Variants in TAF1 observed in about 807,000 individuals in gnomAD.
The protein encoded by TAF1 is TATA-box binding protein associated factor 1, also known as transcription initiation factor TFIID subunit 1.
TAF1 carries 2 observed loss-of-function variants against 138.5 expected under a neutral mutation model. The observed-to-expected ratio is 0.01, with a 90% CI of 0.01 to 0.05. TAF1 has a LOEUF of 0.05. Among genes scored for constraint, TAF1 ranks in the 10% least tolerant of loss-of-function variants. The probability of loss-of-function intolerance (pLI) is 1.00; values close to 1 mark genes in which losing one functional copy is unlikely to be tolerated. For synonymous variants in TAF1, 437 were observed against 503.2 expected, an observed-to-expected ratio of 0.87 and a Z score of 1.76; for missense variants, 709 against 1,478.0, an observed-to-expected ratio of 0.48 and a Z score of 8.53.
intron 28 of TAF1, among the ~76,000 whole-genome samples, chrX:71,409,478 G>A (rs956308995): frequency 3.6e-5 from 4 of 111,667 alleles, no homozygotes; most frequent in Non-Finnish European, 7.5e-5. Context: ...GCATGTAAAG[G>A]ATAAGGTTTT....
intron 32 of TAF1, among the ~76,000 whole-genome samples, chrX:71,430,313 G>T (rs1052413284): frequency 1.9e-5 from 2 of 107,760 alleles, no homozygotes; most frequent in African/African-American, 6.8e-5. Context: ...GAACCCGGGA[G>T]GCCGAGCTTG....
At position 71,384,089 on chromosome X, in the gene TAF1, T is replaced by C. The variant is rs773153467; in HGVS notation, c.2075T>C (p.Met692Thr). The change falls in exon 13 of 38, where the codon ATG becomes ACG. Residue 692 changes from methionine to threonine, a missense_variant. Coordinates refer to ENST00000423759, the MANE Select transcript of TAF1 (RefSeq NM_004606.5). ...AEYSEENGPL[M>T]MQVGMATKIK... is the part of the protein sequence containing the mutation. ...TATAGTGAGGAAAATGGACCCTTAA[T>C]GATGCAGGTTGGCATGGCAACCAAG... is the stretch of plus-strand genomic sequence containing the variant. 3 of 1,211,651 alleles carry C rather than the reference T, an allele frequency of 2.5e-6. No homozygotes were observed. The highest frequency in any genetic ancestry group is 4.4e-5 in the Admixed American group (2 of 45,957).
At chrX:71,473,427 T>G (rs921983626) in intron 13 of TAF1, among the ~76,000 whole-genome samples, 1 of 110,516 alleles carries the variant, frequency 9.0e-6, no homozygotes, top group African/African-American at 3.3e-5. Flanking sequence ...ATACCGGGGA[T>G]TTAGAGGCTG....
intron 34 of TAF1, 167 bp downstream of exon 34, chrX:71,455,024 C>A (rs1458412168): frequency 8.6e-7 from 1 of 1,159,642 alleles, no homozygotes; most frequent in Non-Finnish European, 1.1e-6. Flanking sequence ...TGAGTGAGGG[C>A]CATGGGTCTT....
chrX:71,505,143 A>G (rs1430998257), intron 13 of TAF1, among the ~76,000 whole-genome samples: 4 of 110,955 alleles, frequency 3.6e-5, no homozygotes, highest in Non-Finnish European at 7.5e-5. Context: ...AAAAATATAT[A>G]TGTATATATA....
chrX:71,461,998 A>G (rs2148852593), intron 37 of TAF1, among the ~76,000 whole-genome samples: 1 of 111,699 alleles, frequency 9.0e-6, no homozygotes, highest in East Asian at 2.8e-4. Flanking sequence ...CAGGCATGAA[A>G]CACTTCACAG....
intron 13 of TAF1, among the ~76,000 whole-genome samples, chrX:71,483,780 C>CTCTATATATATATATATACACA (rs1164519184): frequency 2.7e-5 from 1 of 37,577 alleles, no homozygotes; most frequent in African/African-American, 1.3e-4. Context: ...CTCTCTCTCT[C>CTCTATATATATATATATACACA]TATATATATA....
chrX:71,422,215 C>T (rs2036383112), intron 29 of TAF1, among the ~76,000 whole-genome samples: 1 of 110,994 alleles, frequency 9.0e-6, no homozygotes, highest in Admixed American at 9.7e-5. Context: ...GTGTGGGGAG[C>T]TATGATGTTG....
chrX:71,501,535 G>A (rs1014696528), intron 13 of TAF1, among the ~76,000 whole-genome samples: 3 of 111,517 alleles, frequency 2.7e-5, no homozygotes, highest in Non-Finnish European at 3.8e-5. Flanking sequence ...TAGGATAGAT[G>A]GGCGAGTCTT....
At chrX:71,497,672 G>T (rs188903054) in intron 13 of TAF1, among the ~76,000 whole-genome samples, 1 of 111,474 alleles carries the variant, frequency 9.0e-6, no homozygotes, top group African/African-American at 3.3e-5. Context: ...GTTTTGTCCT[G>T]TGGGAAGGCT....
At chrX:71,402,322 G>A (rs773686466) in intron 25 of TAF1, among the ~76,000 whole-genome samples, 5 of 111,882 alleles carry the variant, frequency 4.5e-5, no homozygotes, top group Non-Finnish European at 9.4e-5. Flanking sequence ...GGCCAGGCTG[G>A]ACTCAAAACT....
chrX:71,404,873 A>G (rs1190314671), intron 25 of TAF1, among the ~76,000 whole-genome samples: 1 of 110,400 alleles, frequency 9.1e-6, no homozygotes, highest in Admixed American at 9.8e-5. Context: ...ACAAACCCAT[A>G]AAGTAGGTTC....
At chrX:71,424,989 G>A (rs775616890) in intron 32 of TAF1, among the ~76,000 whole-genome samples, 5 of 111,771 alleles carry the variant, frequency 4.5e-5, no homozygotes, top group Non-Finnish European at 7.5e-5. Context: ...GCTATTAGCC[G>A]TTAATGATGA....
chrX:71,376,101 G>A (rs991960252), intron 4 of TAF1, among the ~76,000 whole-genome samples: 3 of 111,806 alleles, frequency 2.7e-5, no homozygotes, highest in Non-Finnish European at 5.6e-5. Flanking sequence ...GAAAACTGGG[G>A]AAGAGCAGTG....
At chrX:71,387,085 G>A (rs770686253) in intron 14 of TAF1, 176 bp from the exon 15 acceptor site, 1 of 489,645 alleles carries the variant, frequency 2.0e-6, no homozygotes, top group Non-Finnish European at 3.3e-6. Flanking sequence ...GATAGTGGAT[G>A]AAAAATTGTT....
intron 4 of TAF1, among the ~76,000 whole-genome samples, chrX:71,375,505 C>T (rs780695720): frequency 9.0e-6 from 1 of 110,791 alleles, no homozygotes; most frequent in East Asian, 2.8e-4. Context: ...GTAGTTTAGT[C>T]AGTGGTTCTC....
At chrX:71,409,013 CAA>C (rs774464156) in intron 28 of TAF1, among the ~76,000 whole-genome samples, 15 of 55,351 alleles carry the variant, frequency 2.7e-4, no homozygotes, top group Non-Finnish European at 1.8e-4. Context: ...GACTCCGTCT[CAA>C]AAAAAAAAAA....
Position 71,388,086 on chromosome X carries a change from C to T in TAF1, c.2428-151C>T, listed in dbSNP as rs1187266083. On this transcript the variant is annotated intron_variant, in intron 15 of 37. Transcript: ENST00000423759. ...CTGCACTCTACTCTGGGTGACAGAGCGAGACTCCGTCTCAGAAAAAGTAGG... is the reference window on the plus strand; with the variant it reads ...CTGCACTCTACTCTGGGTGACAGAGTGAGACTCCGTCTCAGAAAAAGTAGG... 1.7e-5 allele frequency: 14 copies of T among 830,647 alleles called. No homozygotes were observed. The East Asian group carries it at 4.2e-4, about 25-fold the overall frequency. 68.5% of individuals were successfully genotyped at this position (830,647 alleles called of 1,213,427 possible).
chrX:71,481,387 A>T (rs772251100), intron 13 of TAF1, among the ~76,000 whole-genome samples: 6 of 112,490 alleles, frequency 5.3e-5, no homozygotes, highest in African/African-American at 1.9e-4. Flanking sequence ...AGAAAACCAC[A>T]TATCTATAGG....
Sources: allele counts gnomAD v4.1 joint callset (sites outside exome capture counted in the v4.1 genomes callset), GRCh38; gene constraint gnomAD v4.1.1; transcripts MANE v1.5; gene names NCBI Gene and HGNC (gene_info 2026-07-23, HGNC 2026-07-21).